Variants in ABCC9 observed in about 807,000 individuals in gnomAD.
ABCC9 encodes ATP binding cassette subfamily C member 9, also known as ATP-binding cassette sub-family C member 9.
A neutral mutation model predicts 188.3 loss-of-function variants in ABCC9; 95 were observed. That is an observed-to-expected ratio of 0.50 (90% CI 0.43 to 0.60). The LOEUF is 0.60. Among genes scored for constraint, ABCC9 ranks in the 20% least tolerant of loss-of-function variants. The pLI, the probability that ABCC9 is intolerant of heterozygous loss-of-function variation, is 0.00. For missense variants in ABCC9, 1,102 were observed against 1,876.3 expected, an observed-to-expected ratio of 0.59 and a Z score of 7.62; for synonymous variants, 659 against 652.7, an observed-to-expected ratio of 1.01 and a Z score of -0.15.
intron 34 of ABCC9, 35 bp downstream of exon 34, chr12:21,815,728 A>G (rs1591962400): frequency 6.2e-7 from 1 of 1,609,242 alleles, no homozygotes; most frequent in East Asian, 2.2e-5. Flanking sequence ...CAGAGGTTTT[A>G]TGTATACAAC....
intron 30 of ABCC9, among the ~76,000 whole-genome samples, chr12:21,836,910 G>A (rs908332590): frequency 5.3e-5 from 8 of 152,170 alleles, no homozygotes; most frequent in African/African-American, 1.9e-4. Flanking sequence ...AACATGGCAG[G>A]TGTATGTGGG....
At chr12:21,829,376 T>G (rs1384933784) in intron 30 of ABCC9, among the ~76,000 whole-genome samples, 2 of 151,942 alleles carry the variant, frequency 1.3e-5, no homozygotes, top group African/African-American at 4.8e-5. Context: ...TAATTTTTTG[T>G]ATTTTTAGTA....
At chr12:21,931,277 C>T (rs796907535) in intron 4 of ABCC9, among the ~76,000 whole-genome samples, 15 of 151,964 alleles carry the variant, frequency 9.9e-5, no homozygotes, top group Non-Finnish European at 7.4e-5. Context: ...CTCTGCACTT[C>T]TCTCTCCTGC....
chr12:21,875,326 C>T (rs996084055), intron 17 of ABCC9, among the ~76,000 whole-genome samples: 1 of 152,110 alleles, frequency 6.6e-6, no homozygotes, highest in South Asian at 2.1e-4. Flanking sequence ...TTCTCGCAAA[C>T]AGAAAATAAG....
At chr12:21,869,520 A>G (rs561137990) in intron 18 of ABCC9, 1 of 152,224 alleles carries the variant, frequency 6.6e-6, no homozygotes, top group South Asian at 2.1e-4. Flanking sequence ...ATATTTTCCC[A>G]CTGAACTTAG....
intron 18 of ABCC9, among the ~76,000 whole-genome samples, chr12:21,870,906 C>T (rs1946040445): frequency 2.6e-5 from 4 of 152,144 alleles, no homozygotes; most frequent in Admixed American, 2.6e-4. Context: ...ATCCTCACAT[C>T]ATTTCTTTAT....
Position 21,933,763 on chromosome 12 carries a change from T to C in ABCC9, c.284+19A>G. ...CCACTGGTATACTGCAGTGGTATTATTTAACTTAGATCACTTACGAGTCTG... is the reference window on the plus strand; with the variant it reads ...CCACTGGTATACTGCAGTGGTATTACTTAACTTAGATCACTTACGAGTCTG... On this transcript the variant is annotated intron_variant, in intron 4 of 39. Transcript: ENST00000261200. The C allele has an allele frequency of 6.2e-7, 1 of 1,613,156 alleles. No individual in the cohort carries two copies. Among genetic ancestry groups the C allele is most frequent in the Middle Eastern group, 1.7e-4 (1 of 6,054 alleles).
intron 5 of ABCC9, chr12:21,923,749 G>C: frequency 1.5e-6 from 1 of 661,500 alleles, no homozygotes. Flanking sequence ...CTTATTGTAT[G>C]ACCCAGAGAT....
At chr12:21,926,520 T>G (rs1389963245) in intron 4 of ABCC9, among the ~76,000 whole-genome samples, 2 of 152,214 alleles carry the variant, frequency 1.3e-5, no homozygotes, top group East Asian at 3.8e-4. Context: ...GTCCAGCTAC[T>G]TGGATGCAAC....
At chr12:21,815,669 C>G in intron 34 of ABCC9, 94 bp downstream of exon 34, 1 of 1,500,826 alleles carries the variant, frequency 6.7e-7, no homozygotes, top group Non-Finnish European at 9.1e-7. Flanking sequence ...AATATACTTA[C>G]TTGGCTGGGA....
At chr12:21,857,675 C>T (rs866688080) in intron 22 of ABCC9, among the ~76,000 whole-genome samples, 1 of 152,052 alleles carries the variant, frequency 6.6e-6, no homozygotes, top group Non-Finnish European at 1.5e-5. Flanking sequence ...GAGAGGAAGA[C>T]GTGACTATGT....
At chr12:21,865,764 CTATT>C (rs1310630244) in intron 18 of ABCC9, among the ~76,000 whole-genome samples, 2 of 152,156 alleles carry the variant, frequency 1.3e-5, no homozygotes, top group African/African-American at 4.8e-5. Flanking sequence ...AATTCCGACT[CTATT>C]TATTCAGTAT....
At chr12:21,879,790 A>G (rs1946534367) in intron 16 of ABCC9, among the ~76,000 whole-genome samples, 1 of 152,204 alleles carries the variant, frequency 6.6e-6, no homozygotes. Flanking sequence ...ATACAAATTC[A>G]AAGGTGTGAG....
chr12:21,904,574 A>G (rs927528463), intron 12 of ABCC9, among the ~76,000 whole-genome samples: 5 of 152,168 alleles, frequency 3.3e-5, no homozygotes, highest in African/African-American at 1.2e-4. Context: ...ACTCAAACAA[A>G]TTTACAAGAA....
chr12:21,933,516 TG>T (rs1949367024), intron 4 of ABCC9, among the ~76,000 whole-genome samples: 1 of 152,110 alleles, frequency 6.6e-6, no homozygotes, highest in African/African-American at 2.4e-5. Flanking sequence ...ACAAAATAAA[TG>T]GAAAAATCTG....
Position 21,861,423 on chromosome 12 carries a change from G to A in ABCC9, c.2340-368C>T, listed in dbSNP as rs76309783. Among the ~76,000 whole-genome samples the A allele has an allele frequency of 1.6e-3, 250 of 152,040 alleles. 1 individual carries two copies. The highest frequency in any genetic ancestry group is 5.7e-3 in the African/African-American group (236 of 41,446). ...TTATTTTGCATTTTAGTAGAGACAGGGTTTCACCATGTTGCCCAGGGTGGT... is the reference window on the plus strand; with the variant it reads ...TTATTTTGCATTTTAGTAGAGACAGAGTTTCACCATGTTGCCCAGGGTGGT... On this transcript the variant is annotated intron_variant, in intron 20 of 39. Transcript: ENST00000261200.
intron 18 of ABCC9, chr12:21,869,715 A>G (rs1374915693): frequency 6.6e-6 from 1 of 152,160 alleles, no homozygotes; most frequent in African/African-American, 2.4e-5. Flanking sequence ...AGCATTTATC[A>G]AAGTCTAATA....
chr12:21,813,949 C>T (rs1346540198), intron 35 of ABCC9, among the ~76,000 whole-genome samples: 5 of 152,190 alleles, frequency 3.3e-5, no homozygotes, highest in South Asian at 2.1e-4. Context: ...ACAATAAGTT[C>T]GGTCAAATTC....
intron 8 of ABCC9, 111 bp downstream of exon 8, chr12:21,912,761 C>T: frequency 1.1e-6 from 1 of 908,934 alleles, no homozygotes; most frequent in Non-Finnish European, 1.5e-6. Flanking sequence ...GCATTCAATT[C>T]TCTGAAAAAA....
Sources: allele counts gnomAD v4.1 joint callset (sites outside exome capture counted in the v4.1 genomes callset), GRCh38; gene constraint gnomAD v4.1.1; transcripts MANE v1.5; gene names NCBI Gene and HGNC (gene_info 2026-07-23, HGNC 2026-07-21).